GRAMD2B: variants seen among roughly 807,000 people sequenced by gnomAD.
The protein encoded by GRAMD2B is GRAM domain containing 2B, also known as GRAM domain-containing protein 2B.
In GRAMD2B, 41 loss-of-function variants were observed where a neutral mutation model predicts 59.2. The ratio of observed to expected loss-of-function variants is 0.69; its 90% CI spans 0.54 to 0.90. The LOEUF (loss-of-function observed/expected upper bound fraction) is 0.90, where lower values mean the gene tolerates loss of function less well. Ranked by LOEUF, GRAMD2B falls within the 40% of genes least tolerant of loss-of-function variation. The pLI is 0.00. For missense variants in GRAMD2B, 424 were observed against 500.5 expected (o/e 0.85, Z 1.46); for synonymous variants, 161 against 182.7 (o/e 0.88, Z 0.96).
intron 1 of GRAMD2B, among the ~76,000 whole-genome samples, chr5:126,372,103 A>C (rs1440777117): frequency 1.3e-5 from 2 of 152,178 alleles, no homozygotes; most frequent in Non-Finnish European, 2.9e-5. Flanking sequence ...TTTAGCTATA[A>C]ACTCATCAGT....
intron 1 of GRAMD2B, among the ~76,000 whole-genome samples, chr5:126,431,859 A>G (rs1307831474): frequency 3.9e-5 from 6 of 152,202 alleles, no homozygotes; most frequent in Non-Finnish European, 8.8e-5. Context: ...TCTGTATTCT[A>G]TTCCATGTCT....
At chr5:126,366,957 C>G (rs981374560), upstream of GRAMD2B, among the ~76,000 whole-genome samples, 1 of 150,396 alleles carries the variant, frequency 6.6e-6, no homozygotes, top group African/African-American at 2.5e-5. Context: ...CGGATCCAAG[C>G]GATTCTTGTG....
intron 1 of GRAMD2B, among the ~76,000 whole-genome samples, chr5:126,460,476 G>T (rs546093053): frequency 2.5e-4 from 38 of 152,286 alleles, no homozygotes; most frequent in African/African-American, 9.1e-4. Context: ...TAGTTTGGGA[G>T]ATTCTGAGTT....
At chr5:126,366,056 T>A (rs1754423417) in intron 1 of GRAMD2B, among the ~76,000 whole-genome samples, 1 of 152,180 alleles carries the variant, frequency 6.6e-6, no homozygotes, top group Admixed American at 6.5e-5. Flanking sequence ...CCCTCTAAAG[T>A]CATGAGCTGT....
At chr5:126,478,140 GAAAAAAAAAA>G (rs11376080) in intron 6 of GRAMD2B, among the ~76,000 whole-genome samples, 2 of 126,850 alleles carry the variant, frequency 1.6e-5, no homozygotes, top group East Asian at 4.5e-4. Context: ...GTCTTAAAGG[GAAAAAAAAAA>G]AAAAAAAAAG....
At chr5:126,422,513 T>G (rs1293823019), upstream of GRAMD2B, among the ~76,000 whole-genome samples, 1 of 152,210 alleles carries the variant, frequency 6.6e-6, no homozygotes, top group Non-Finnish European at 1.5e-5. Context: ...CACAGACCTT[T>G]TTTAAAGCTC....
intron 1 of GRAMD2B, among the ~76,000 whole-genome samples, chr5:126,375,605 C>T (rs1007798809): frequency 1.3e-5 from 2 of 152,050 alleles, no homozygotes; most frequent in African/African-American, 2.4e-5. Flanking sequence ...CTCCTGACCT[C>T]GTGATCCACC....
At chr5:126,378,812 G>C (rs1755419644) in intron 1 of GRAMD2B, among the ~76,000 whole-genome samples, 1 of 152,122 alleles carries the variant, frequency 6.6e-6, no homozygotes, top group Non-Finnish European at 1.5e-5. Flanking sequence ...AAATGGTTTT[G>C]AGTAGTTTTT....
At chr5:126,478,169 G>A (rs1581227887) in intron 6 of GRAMD2B, among the ~76,000 whole-genome samples, 2 of 149,614 alleles carry the variant, frequency 1.3e-5, no homozygotes, top group South Asian at 2.1e-4. Context: ...AGGAGGTCAG[G>A]CCTTTAATTC....
At chr5:126,398,854 C>T (rs184634954) in intron 1 of GRAMD2B, among the ~76,000 whole-genome samples, 3 of 152,176 alleles carry the variant, frequency 2.0e-5, no homozygotes, top group East Asian at 3.9e-4. Context: ...TTCTTTTACA[C>T]CCAATGATTA....
At chr5:126,431,759 A>G (rs1761602857) in intron 1 of GRAMD2B, among the ~76,000 whole-genome samples, 1 of 148,016 alleles carries the variant, frequency 6.8e-6, no homozygotes, top group Non-Finnish European at 1.5e-5. Context: ...ACTGAGTTAT[A>G]TTGAAAGGAG....
intron 1 of GRAMD2B, among the ~76,000 whole-genome samples, chr5:126,392,424 T>C (rs1756903172): frequency 6.6e-6 from 1 of 152,156 alleles, no homozygotes; most frequent in African/African-American, 2.4e-5. Flanking sequence ...AACAAAAATG[T>C]AGCAATATGT....
chr5:126,484,374 CTT>C (rs762507233), intron 9 of GRAMD2B, 26 bp from the exon 10 acceptor site: 1 of 1,607,740 alleles, frequency 6.2e-7, no homozygotes, highest in Non-Finnish European at 8.5e-7. Flanking sequence ...GGAGAGAACA[CTT>C]ACCCAGCTCT....
At chr5:126,363,929 AC>A (rs1229962045) in intron 1 of GRAMD2B, among the ~76,000 whole-genome samples, 5 of 152,176 alleles carry the variant, frequency 3.3e-5, no homozygotes, top group African/African-American at 1.2e-4. Context: ...CTGTAAATGT[AC>A]TAAAGCCACT....
rs564112151 is a variant in GRAMD2B at position 126,371,555 on chromosome 5, C to T, written c.113C>T (p.Ser38Leu). ...CGCAGCTCCACAGACAGCCCCAGCT[C>T]GGTGTTCCTCAGGTGGGTACAGCCT... The change falls in exon 1 of 9, where the codon TCG (serine) becomes TTG (leucine). Residue 38 changes from serine to leucine, a missense_variant. Coordinates refer to the GRAMD2B transcript ENST00000506445. The T allele has an allele frequency of 9.0e-5, 116 of 1,288,762 alleles. No individual in the cohort carries two copies. The African/African-American group carries it at 1.4e-3, about 16-fold the overall frequency. The allele number at this position is 1,288,762 out of a possible 1,614,324, so 79.8% of individuals were successfully genotyped here.
chr5:126,382,325 A>G (rs1447099968), intron 1 of GRAMD2B, among the ~76,000 whole-genome samples: 8 of 152,120 alleles, frequency 5.3e-5, no homozygotes, highest in Non-Finnish European at 1.2e-4. Flanking sequence ...GGGAACACAG[A>G]TTATTGTTAG....
intron 1 of GRAMD2B, among the ~76,000 whole-genome samples, chr5:126,396,448 G>A (rs138878646): frequency 9.9e-5 from 15 of 152,200 alleles, no homozygotes; most frequent in East Asian, 5.8e-4. Flanking sequence ...CTGTTCCTGT[G>A]TTAGTTTGCT....
intron 1 of GRAMD2B, among the ~76,000 whole-genome samples, chr5:126,405,172 T>G (rs1315381515): frequency 2.0e-5 from 3 of 151,528 alleles, no homozygotes; most frequent in Non-Finnish European, 3.0e-5. Context: ...AGAGGAAGAG[T>G]CTGGGAAGAA....
upstream of GRAMD2B, among the ~76,000 whole-genome samples, chr5:126,420,820 G>T (rs1007463091): frequency 2.6e-5 from 4 of 151,962 alleles, no homozygotes; most frequent in African/African-American, 7.3e-5. Context: ...ATAGACAAAA[G>T]CTAGAAACAA....
Sources: allele counts gnomAD v4.1 joint callset (sites outside exome capture counted in the v4.1 genomes callset), GRCh38; gene constraint gnomAD v4.1.1; transcripts MANE v1.5; gene names NCBI Gene and HGNC (gene_info 2026-07-23, HGNC 2026-07-21).